The following DLGAP2 variants were observed in gnomAD, a reference collection of about 807,000 sequenced individuals.
DLGAP2 encodes the protein DLG associated protein 2.
DLGAP2 carries 26 observed loss-of-function variants against 100.3 expected under a neutral mutation model. The ratio of observed to expected loss-of-function variants is 0.26; its 90% CI spans 0.19 to 0.36. The LOEUF is 0.36. DLGAP2 is among the 10% of genes least tolerant of loss of function. The pLI, the probability that DLGAP2 is intolerant of heterozygous loss-of-function variation, is 1.00. For missense variants in DLGAP2, 1,858 were observed against 1,453.2 expected, an observed-to-expected ratio of 1.28 and a Z score of -4.53; for synonymous variants, 886 against 630.1, an observed-to-expected ratio of 1.41 and a Z score of -6.08.
At chr8:749,558 A>T (rs1338474239) in intron 1 of DLGAP2, among the ~76,000 whole-genome samples, 1 of 152,068 alleles carries the variant, frequency 6.6e-6, no homozygotes, top group Non-Finnish European at 1.5e-5. Context: ...TCCCGTATGG[A>T]GTGTGATTAA....
intron 6 of DLGAP2, among the ~76,000 whole-genome samples, chr8:1,610,566 C>CA (rs1314546719): frequency 7.3e-6 from 1 of 136,422 alleles, no homozygotes; most frequent in South Asian, 2.7e-4. Flanking sequence ...AATAGAGACA[C>CA]AAAAAACCCT....
chr8:1,699,066 T>C (rs1799496329), intron 14 of DLGAP2, among the ~76,000 whole-genome samples: 1 of 152,212 alleles, frequency 6.6e-6, no homozygotes, highest in Non-Finnish European at 1.5e-5. Context: ...AGATGATCAG[T>C]GATGCTCCTG....
At chr8:1,299,804 A>C (rs2116990247) in intron 3 of DLGAP2, 1 of 152,324 alleles carries the variant, frequency 6.6e-6, no homozygotes, top group Middle Eastern at 3.4e-3. Flanking sequence ...ATCTGAAGCA[A>C]CTTTCTTATG....
intron 1 of DLGAP2, among the ~76,000 whole-genome samples, chr8:887,211 T>C (rs1797940506): frequency 6.6e-6 from 1 of 152,166 alleles, no homozygotes; most frequent in Non-Finnish European, 1.5e-5. Flanking sequence ...TTTTTTTGCT[T>C]TCCATTTGCT....
Position 1,606,434 on chromosome 8 carries a change from CA to C in DLGAP2, c.1443-20304del, listed in dbSNP as rs369584161. On this transcript the variant is annotated intron_variant, in intron 6 of 14. Transcript: ENST00000637795. ...TTCCCCTAACTCCTCCAACCCCTGG[CA>C]ACCACGAACCTGCATTCTCCCTGTC... Among the ~76,000 whole-genome samples, 60 of 152,204 alleles carry C rather than the reference CA, an allele frequency of 3.9e-4. No individual in the cohort carries two copies. The East Asian group carries it at 6.0e-3, about 15-fold the overall frequency.
At chr8:1,040,518 C>T (rs1486916012) in intron 2 of DLGAP2, among the ~76,000 whole-genome samples, 6 of 142,706 alleles carry the variant, frequency 4.2e-5, no homozygotes, top group East Asian at 2.1e-4. Flanking sequence ...GTGGTTGGCT[C>T]GGTTTCCGTG....
chr8:1,514,960 G>A (rs946275732), intron 4 of DLGAP2, among the ~76,000 whole-genome samples: 5 of 152,032 alleles, frequency 3.3e-5, no homozygotes, highest in African/African-American at 4.8e-5. Flanking sequence ...CAGGGAGACC[G>A]ACGTGCAGGG....
chr8:1,408,057 AG>A, intron 3 of DLGAP2, among the ~76,000 whole-genome samples: 1 of 152,346 alleles, frequency 6.6e-6, no homozygotes. Context: ...GCCTCCAGAT[AG>A]TGCCAAATGC....
At chr8:930,565 A>G (rs1457177153) in intron 2 of DLGAP2, among the ~76,000 whole-genome samples, 2 of 152,214 alleles carry the variant, frequency 1.3e-5, no homozygotes, top group East Asian at 1.9e-4. Flanking sequence ...TATTCTAGTT[A>G]GTGGAGGAAA....
At chr8:1,278,159 G>C (rs986931871) in intron 3 of DLGAP2, among the ~76,000 whole-genome samples, 25 of 152,164 alleles carry the variant, frequency 1.6e-4, no homozygotes, top group Admixed American at 1.6e-3. Context: ...AGTCAGCAGA[G>C]CTGTGTTCCA....
intron 2 of DLGAP2, among the ~76,000 whole-genome samples, chr8:1,191,374 G>A (rs367550791): frequency 3.2e-4 from 48 of 152,224 alleles, no homozygotes; most frequent in East Asian, 7.7e-4. Flanking sequence ...ATTTCACCGT[G>A]TTAGCCAGGA....
In DLGAP2 at chr8:1,676,791, T is replaced by A. The variant is rs115508527; in HGVS notation, c.2288+173T>A. On this transcript the variant is annotated intron_variant, in intron 11 of 14. Transcript: ENST00000637795. ...CCTCAAGTATGAATTAACACCCGCC[T>A]ATGTCTTGTTTTTGCAAGAGGCAAG... 2.7e-3 allele frequency among the ~76,000 whole-genome samples: 410 copies of A among 152,368 alleles called. 3 individuals are homozygous for A. The highest frequency in any genetic ancestry group is 9.5e-3 in the African/African-American group (396 of 41,592).
intron 3 of DLGAP2, among the ~76,000 whole-genome samples, chr8:1,331,722 G>A (rs544633924): frequency 3.9e-5 from 6 of 152,168 alleles, no homozygotes; most frequent in Non-Finnish European, 7.3e-5. Flanking sequence ...GGGTCCTTCC[G>A]ACGTTTAAAA....
intron 2 of DLGAP2, among the ~76,000 whole-genome samples, chr8:1,176,263 T>C (rs11992998): frequency 0.8 from 121,822 of 151,932 alleles, 49,010 homozygotes; most frequent in Admixed American, 0.85. Flanking sequence ...AATTCCCTCA[T>C]TACCACAAGA....
At chr8:1,130,100 CGCGA>C (rs1563207024) in intron 2 of DLGAP2, among the ~76,000 whole-genome samples, 4 of 2,094 alleles carry the variant, frequency 1.9e-3, no homozygotes, top group Non-Finnish European at 4.9e-3. Context: ...AGACACTTCA[CGCGA>C]GTTAAGGGAT....
At chr8:1,207,514 A>G (rs531054919) in intron 2 of DLGAP2, among the ~76,000 whole-genome samples, 2 of 152,212 alleles carry the variant, frequency 1.3e-5, no homozygotes, top group African/African-American at 4.8e-5. Context: ...TGTTTTTGCA[A>G]TTGTGAATAC....
At chr8:1,029,764 A>G (rs1022576566) in intron 2 of DLGAP2, among the ~76,000 whole-genome samples, 6 of 152,200 alleles carry the variant, frequency 3.9e-5, no homozygotes, top group African/African-American at 1.4e-4. Context: ...TCAAAGGGGG[A>G]TGGAGAGAAG....
At chr8:1,289,158 C>G (rs1387685625) in intron 3 of DLGAP2, among the ~76,000 whole-genome samples, 2 of 152,126 alleles carry the variant, frequency 1.3e-5, no homozygotes, top group South Asian at 2.1e-4. Flanking sequence ...AAGCCAATGT[C>G]TGCATTTAGC....
At chr8:1,348,390 A>ATT (rs1801619028) in intron 3 of DLGAP2, among the ~76,000 whole-genome samples, 1 of 149,634 alleles carries the variant, frequency 6.7e-6, no homozygotes, top group African/African-American at 2.5e-5. Context: ...TTGAGTTCCC[A>ATT]CACAGAGCTG....
Sources: gnomAD v4.1 joint callset for allele counts (sites outside exome capture counted in the v4.1 genomes callset) on GRCh38, gnomAD v4.1.1 for gene constraint, MANE v1.5 for transcripts, NCBI Gene and HGNC (gene_info 2026-07-23, HGNC 2026-07-21) for gene names.